Variants in AKAP6 observed in about 807,000 individuals in gnomAD.
AKAP6 encodes the protein A-kinase anchoring protein 6.
A neutral mutation model predicts 188.5 loss-of-function variants in AKAP6; 58 were observed. The ratio of observed to expected loss-of-function variants is 0.31; its 90% CI spans 0.25 to 0.38. The LOEUF is 0.38. Among genes scored for constraint, AKAP6 ranks in the 10% least tolerant of loss-of-function variants. AKAP6 has a pLI of 1.00. For missense variants in AKAP6, 2,710 were observed against 2,740.0 expected (o/e 0.99, Z 0.24); for synonymous variants, 989 against 998.6 (o/e 0.99, Z 0.18).
At chr14:32,581,856 C>A (rs910729273) in intron 5 of AKAP6, among the ~76,000 whole-genome samples, 1 of 152,128 alleles carries the variant, frequency 6.6e-6, no homozygotes, top group Non-Finnish European at 1.5e-5. Context: ...GGTAGATCTT[C>A]CTCCATCCTT....
chr14:32,796,630 C>T (rs2033776180), intron 12 of AKAP6, among the ~76,000 whole-genome samples: 1 of 152,184 alleles, frequency 6.6e-6, no homozygotes. Flanking sequence ...CAAAGGTTAA[C>T]TCAACCGATG....
chr14:32,533,172 C>T lies in AKAP6; in HGVS notation c.325-2382C>T, dbSNP rs190267514. On this transcript the variant is annotated intron_variant, in intron 2 of 13. Transcript: ENST00000280979. ...TCAATACTGACATTACCAAAGATAA[C>T]GCCATGCTTGGTATAGAGAGAGTGA... 1.3e-3 allele frequency among the ~76,000 whole-genome samples: 194 copies of T among 152,248 alleles called. 1 individual carries two copies. The highest frequency in any genetic ancestry group is 4.5e-3 in the African/African-American group (185 of 41,534).
At chr14:32,778,749 G>A (rs866910941) in intron 12 of AKAP6, among the ~76,000 whole-genome samples, 44 of 139,650 alleles carry the variant, frequency 3.2e-4, no homozygotes, top group African/African-American at 1.0e-3. Flanking sequence ...ATCTCGCTAT[G>A]TTGCGCAGGC....
chr14:32,652,619 A>G (rs1275010625), intron 7 of AKAP6, among the ~76,000 whole-genome samples: 1 of 152,192 alleles, frequency 6.6e-6, no homozygotes, highest in African/African-American at 2.4e-5. Flanking sequence ...CCATCACACC[A>G]GATTAATTTT....
intron 13 of AKAP6, 86 bp downstream of exon 13, chr14:32,824,901 A>C: frequency 1.9e-6 from 2 of 1,077,970 alleles, no homozygotes; most frequent in Non-Finnish European, 2.7e-6. Flanking sequence ...GCTAGTCAGA[A>C]TGACCAGTTA....
Position 32,546,873 on chromosome 14 carries a change from G to A in AKAP6, c.2220G>A (p.Lys740=). 1 of 1,614,026 alleles carries A rather than the reference G, an allele frequency of 6.2e-7. No homozygotes were observed. ...GCATGAAAAAGTATGCTGATGAGAAGTCAGAAAGAGCTTCATCCTCTGAGA... is the reference window on the plus strand; with the variant it reads ...GCATGAAAAAGTATGCTGATGAGAAATCAGAAAGAGCTTCATCCTCTGAGA... The part of the protein sequence containing the change: ...LAGMKKYADE[K]SERASSSEKN... The change falls in exon 4 of 14, where the codon AAG becomes AAA. Residue 740 remains lysine (K), a synonymous_variant. Coordinates refer to ENST00000280979, the MANE Select transcript of AKAP6 (RefSeq NM_004274.5).
chr14:32,554,416 G>A (rs1883606744), intron 4 of AKAP6, among the ~76,000 whole-genome samples: 1 of 152,164 alleles, frequency 6.6e-6, no homozygotes, highest in South Asian at 2.1e-4. Flanking sequence ...CAAGCATATG[G>A]AAGAGCTGTT....
At chr14:32,464,681 G>A (rs552746708) in intron 2 of AKAP6, among the ~76,000 whole-genome samples, 10 of 152,158 alleles carry the variant, frequency 6.6e-5, no homozygotes, top group African/African-American at 1.4e-4. Context: ...TTTGAAAACC[G>A]GCACAAGACA....
Position 32,822,071 on chromosome 14 carries a change from A to G in AKAP6, c.4258A>G (p.Ile1420Val). ...AAAATTTACAGATGAGGGGGAAAGC[A>G]TTAAGCTTCCAAATAGCTCTCAGTC... ...KQKFTDEGESIKLPNSSQSSI... is the reference protein window; with the variant it reads ...KQKFTDEGESVKLPNSSQSSI... The change falls in exon 13 of 14, where the codon ATT (isoleucine) becomes GTT (valine). Residue 1420 changes from isoleucine (I) to valine (V), a missense_variant. Ile to Val is a conservative substitution (Grantham distance 29). Transcript: ENST00000280979. The G allele has an allele frequency of 6.2e-7, 1 of 1,613,960 alleles. No individual in the cohort carries two copies. Among genetic ancestry groups the G allele is most frequent in the Non-Finnish European group, 8.5e-7 (1 of 1,179,948 alleles).
chr14:32,516,195 A>G (rs1276275151), intron 2 of AKAP6, among the ~76,000 whole-genome samples: 2 of 152,232 alleles, frequency 1.3e-5, no homozygotes, highest in Non-Finnish European at 2.9e-5. Context: ...CAAAGACTAG[A>G]AGGTTTGCTG....
intron 2 of AKAP6, among the ~76,000 whole-genome samples, chr14:32,508,066 T>C (rs1189079290): frequency 1.3e-5 from 2 of 152,190 alleles, no homozygotes; most frequent in Non-Finnish European, 2.9e-5. Flanking sequence ...GAAATGATGC[T>C]TTCAGACTAA....
chr14:32,647,091 A>G (rs912227375), intron 7 of AKAP6, among the ~76,000 whole-genome samples: 2 of 152,160 alleles, frequency 1.3e-5, no homozygotes, highest in Non-Finnish European at 2.9e-5. Context: ...TGGTAGAACC[A>G]TTAGTAATCT....
intron 3 of AKAP6, among the ~76,000 whole-genome samples, chr14:32,540,168 C>CTCTCTATATATATATATATATATA (rs1240063339): frequency 1.6e-5 from 1 of 60,956 alleles, no homozygotes; most frequent in African/African-American, 9.8e-5. Context: ...CTCTCTCTCT[C>CTCTCTATATATATATATATATATA]TATATATATA....
intron 2 of AKAP6, among the ~76,000 whole-genome samples, chr14:32,463,127 C>T (rs928135895): frequency 2.0e-5 from 3 of 151,982 alleles, no homozygotes; most frequent in Non-Finnish European, 4.4e-5. Flanking sequence ...GACAAAGAGA[C>T]TTAGACTCCC....
At chr14:32,425,692 G>A (rs1890007897) in intron 1 of AKAP6, among the ~76,000 whole-genome samples, 2 of 152,080 alleles carry the variant, frequency 1.3e-5, no homozygotes, top group South Asian at 2.1e-4. Context: ...CATTTTTAAT[G>A]GGGTTGTTTT....
At chr14:32,336,277 C>T (rs1174213288) in intron 1 of AKAP6, among the ~76,000 whole-genome samples, 1 of 151,992 alleles carries the variant, frequency 6.6e-6, no homozygotes, top group Non-Finnish European at 1.5e-5. Flanking sequence ...AGGGCTCTTG[C>T]CACCTCTTAG....
chr14:32,660,490 G>C (rs1363140849), intron 7 of AKAP6, among the ~76,000 whole-genome samples: 1 of 152,064 alleles, frequency 6.6e-6, no homozygotes, highest in Non-Finnish European at 1.5e-5. Flanking sequence ...TCAATGTGTT[G>C]GTTGGTGGGA....
At chr14:32,751,619 C>T (rs561897755) in intron 11 of AKAP6, among the ~76,000 whole-genome samples, 19 of 146,104 alleles carry the variant, frequency 1.3e-4, no homozygotes, top group Non-Finnish European at 2.4e-4. Flanking sequence ...TGTTTAGTTT[C>T]GTCTTTTTGG....
chr14:32,478,968 G>C (rs1879204656), intron 2 of AKAP6, among the ~76,000 whole-genome samples: 1 of 152,086 alleles, frequency 6.6e-6, no homozygotes. Flanking sequence ...AAAATATTTT[G>C]GGGGGAGAGG....
Sources: allele counts gnomAD v4.1 joint callset (sites outside exome capture counted in the v4.1 genomes callset), GRCh38; gene constraint gnomAD v4.1.1; transcripts MANE v1.5; gene names NCBI Gene and HGNC (gene_info 2026-07-23, HGNC 2026-07-21).